Variants in NRG1 observed in about 807,000 individuals in gnomAD.
NRG1 encodes neuregulin 1.
NRG1 carries 18 observed loss-of-function variants against 63.8 expected under a neutral mutation model. That is an observed-to-expected ratio of 0.28 (90% confidence interval 0.19 to 0.42). The LOEUF (loss-of-function observed/expected upper bound fraction) is 0.42, where lower values mean the gene tolerates loss of function less well. Among genes scored for constraint, NRG1 ranks in the 10% least tolerant of loss-of-function variants. The pLI is 1.00. For missense variants in NRG1, 762 were observed against 814.7 expected (o/e 0.94, Z 0.79); for synonymous variants, 302 against 301.3 (o/e 1.00, Z -0.02).
intron 1 of NRG1, among the ~76,000 whole-genome samples, chr8:32,495,357 T>A (rs1185011437): frequency 6.6e-6 from 1 of 152,230 alleles, no homozygotes; most frequent in Non-Finnish European, 1.5e-5. Context: ...GTGACTTTGT[T>A]CCTCTTTTGC....
chr8:32,307,171 A>G (rs10503904), intron 1 of NRG1, among the ~76,000 whole-genome samples: 14,800 of 152,206 alleles, frequency 0.097, 923 homozygotes, highest in Middle Eastern at 0.13. Context: ...AAACCACTCT[A>G]TGGAAATAAC....
chr8:31,792,879 T>C (rs1820850335), intron 1 of NRG1, among the ~76,000 whole-genome samples: 1 of 152,226 alleles, frequency 6.6e-6, no homozygotes, highest in Admixed American at 6.5e-5. Flanking sequence ...AGATAGCAAA[T>C]GTGACAAGTC....
intron 1 of NRG1, among the ~76,000 whole-genome samples, chr8:32,425,077 T>C (rs1259693213): frequency 2.6e-5 from 4 of 152,214 alleles, no homozygotes; most frequent in African/African-American, 9.6e-5. Context: ...TATGATTTAC[T>C]ATATATCAGT....
At chr8:32,472,600 G>A (rs1823992918) in intron 1 of NRG1, among the ~76,000 whole-genome samples, 2 of 152,328 alleles carry the variant, frequency 1.3e-5, no homozygotes, top group South Asian at 2.1e-4. Context: ...GTTGGAAGAC[G>A]ATTTTTGTGG....
chr8:32,299,863 C>G (rs79648026), intron 1 of NRG1, among the ~76,000 whole-genome samples: 1 of 152,006 alleles, frequency 6.6e-6, no homozygotes, highest in African/African-American at 2.4e-5. Flanking sequence ...TCCTGTGACA[C>G]GTGTGGATTA....
chr8:32,080,564 A>G (rs1022332730), intron 1 of NRG1, among the ~76,000 whole-genome samples: 1 of 152,166 alleles, frequency 6.6e-6, no homozygotes, highest in African/African-American at 2.4e-5. Context: ...CTACTAATCT[A>G]TATAAGAGAG....
upstream of NRG1, among the ~76,000 whole-genome samples, chr8:32,547,588 TAAAC>T (rs1588207157): frequency 8.7e-6 from 1 of 114,428 alleles, no homozygotes; most frequent in African/African-American, 2.9e-5. Flanking sequence ...AGGCACTTAC[TAAAC>T]ACACACACAC....
chr8:31,962,501 G>A (rs1805619103), intron 1 of NRG1, among the ~76,000 whole-genome samples: 1 of 152,152 alleles, frequency 6.6e-6, no homozygotes, highest in South Asian at 2.1e-4. Context: ...GATGCTCAGT[G>A]ATGGCCTGAA....
At chr8:31,849,319 C>G (rs1342670128) in intron 1 of NRG1, among the ~76,000 whole-genome samples, 2 of 152,232 alleles carry the variant, frequency 1.3e-5, no homozygotes, top group African/African-American at 4.8e-5. Flanking sequence ...CCACACCGCA[C>G]AGCTGCATAT....
intron 1 of NRG1, among the ~76,000 whole-genome samples, chr8:31,934,387 A>G (rs1186139848): frequency 6.8e-6 from 1 of 146,314 alleles, no homozygotes; most frequent in Non-Finnish European, 1.5e-5. Flanking sequence ...TTCTCCCCCT[A>G]CACACACATA....
At position 32,507,558 on chromosome 8, in the gene NRG1, C is replaced by CA. The variant is rs886309632; in HGVS notation, c.38-88264dup. ...AACAGCATGAGGGAGAATTTGCTGG[C>CA]AAAAAACAAAACAACAACAAAAAAA... is the stretch of plus-strand genomic sequence containing the variant. On this transcript the variant is annotated intron_variant, in intron 1 of 10. Transcript: ENST00000519301. Among the ~76,000 whole-genome samples, 78 of 151,958 alleles carry CA rather than the reference C, an allele frequency of 5.1e-4. 1 individual carries two copies. Among genetic ancestry groups the CA allele is most frequent in the Middle Eastern group, 3.4e-3 (1 of 294 alleles).
At chr8:32,401,230 C>A (rs1813152492) in intron 1 of NRG1, among the ~76,000 whole-genome samples, 1 of 151,982 alleles carries the variant, frequency 6.6e-6, no homozygotes, top group Non-Finnish European at 1.5e-5. Context: ...AACCTGTACA[C>A]CAAAGCCCCA....
At chr8:32,222,049 A>C (rs1027233976) in intron 1 of NRG1, among the ~76,000 whole-genome samples, 4 of 152,038 alleles carry the variant, frequency 2.6e-5, no homozygotes, top group Admixed American at 2.6e-4. Flanking sequence ...ACACACACAC[A>C]CACACACACA....
chr8:32,368,647 G>A (rs901530100), intron 1 of NRG1, among the ~76,000 whole-genome samples: 3 of 152,146 alleles, frequency 2.0e-5, no homozygotes, highest in Non-Finnish European at 4.4e-5. Context: ...AGAAGCTGGA[G>A]GATGTTTCCC....
chr8:32,651,790 C>A (rs1855186499), intron 5 of NRG1, among the ~76,000 whole-genome samples: 1 of 152,096 alleles, frequency 6.6e-6, no homozygotes, highest in Non-Finnish European at 1.5e-5. Context: ...AAGTGCCGTT[C>A]ATTTAAATTC....
exon 1 of NRG1, chr8:31,639,361 C>T: frequency 6.5e-7 from 1 of 1,534,020 alleles, no homozygotes; most frequent in Middle Eastern, 1.8e-4. Context: ...CCAGGAGGAC[C>T]CACTCGCGGG....
At chr8:31,873,698 AGACATGC>A (rs1829685911) in intron 1 of NRG1, among the ~76,000 whole-genome samples, 4 of 152,332 alleles carry the variant, frequency 2.6e-5, no homozygotes, top group African/African-American at 9.6e-5. Context: ...GCAGGTACTC[AGACATGC>A]CTGTCACCAC....
chr8:32,479,108 T>G (rs1824895296), intron 1 of NRG1, among the ~76,000 whole-genome samples: 1 of 152,106 alleles, frequency 6.6e-6, no homozygotes, highest in Non-Finnish European at 1.5e-5. Flanking sequence ...AACAAAAACA[T>G]AAGAGACAGA....
chr8:31,676,422 C>T (rs1256606712), intron 1 of NRG1, among the ~76,000 whole-genome samples: 2 of 152,134 alleles, frequency 1.3e-5, no homozygotes, highest in African/African-American at 4.8e-5. Flanking sequence ...TTCCTCGTGT[C>T]AGGGACCCAG....
Sources: gnomAD v4.1 joint callset for allele counts (sites outside exome capture counted in the v4.1 genomes callset) on GRCh38, gnomAD v4.1.1 for gene constraint, MANE v1.5 for transcripts, NCBI Gene and HGNC (gene_info 2026-07-23, HGNC 2026-07-21) for gene names.